Variants in COL21A1 observed in about 807,000 individuals in gnomAD.
COL21A1 encodes the protein collagen type XXI alpha 1 chain.
In COL21A1, 149 loss-of-function variants were observed where a neutral mutation model predicts 137.9. The ratio of observed to expected loss-of-function variants is 1.08; its 90% CI spans 0.95 to 1.24. The LOEUF (loss-of-function observed/expected upper bound fraction) is 1.24, where lower values mean the gene tolerates loss of function less well. Among genes scored for constraint, COL21A1 ranks in the 50% most tolerant of loss-of-function variants. The probability of loss-of-function intolerance (pLI) is 0.00; values close to 1 mark genes in which losing one functional copy is unlikely to be tolerated. For missense variants in COL21A1, 1,167 were observed against 1,158.4 expected (o/e 1.01, Z -0.11); for synonymous variants, 456 against 391.5 (o/e 1.16, Z -1.95).
At chr6:56,208,461 C>G (rs141728587) in intron 1 of COL21A1, among the ~76,000 whole-genome samples, 1 of 152,156 alleles carries the variant, frequency 6.6e-6, no homozygotes, top group Non-Finnish European at 1.5e-5. Context: ...ATGAATACAA[C>G]TTACAAGGGA....
chr6:56,094,051 G>A (rs1769105266), intron 17 of COL21A1, among the ~76,000 whole-genome samples: 1 of 152,042 alleles, frequency 6.6e-6, no homozygotes, highest in South Asian at 2.1e-4. Flanking sequence ...ATCTATATAA[G>A]CAGGATATTT....
Position 56,069,041 on chromosome 6 carries a change from CA to C in COL21A1, c.2091+4del. 1 of 1,595,868 alleles carries C rather than the reference CA, an allele frequency of 6.3e-7. No homozygotes were observed. The highest frequency in any genetic ancestry group is 8.5e-7 in the Non-Finnish European group (1 of 1,169,758). ...AGCGAACTGTATCTCCTAACCAATG[CA>C]TACCTTTTTTCCTTGAATCCCGGGT... On this transcript the variant is annotated splice_donor_region_variant and intron_variant, in intron 22 of 29. Transcript: ENST00000244728.
At chr6:56,289,539 C>T (rs1763991369) in intron 1 of COL21A1, among the ~76,000 whole-genome samples, 1 of 152,130 alleles carries the variant, frequency 6.6e-6, no homozygotes, top group African/African-American at 2.4e-5. Context: ...ATGTAGTCTC[C>T]AGCATCTAGA....
intron 1 of COL21A1, among the ~76,000 whole-genome samples, chr6:56,206,217 G>A (rs1779770189): frequency 1.3e-5 from 2 of 151,936 alleles, no homozygotes; most frequent in South Asian, 4.2e-4. Flanking sequence ...AGACCCATCA[G>A]TGTGCTGTAT....
At chr6:56,367,653 G>A (rs1581779820) in intron 1 of COL21A1, among the ~76,000 whole-genome samples, 1 of 152,158 alleles carries the variant, frequency 6.6e-6, no homozygotes. Context: ...TGAATTCCTT[G>A]TTATGTAAGT....
rs953038365 is a variant in COL21A1 at position 56,126,018 on chromosome 6, T to A, written c.1596+78A>T. On this transcript the variant is annotated intron_variant, in intron 13 of 29. Transcript: ENST00000244728. Reference sequence around the variant, plus strand: ...TATATATGAACATTTATTTATAACATATTTGTAATATAAAAGTACTTTATA... The same window carrying A: ...TATATATGAACATTTATTTATAACAAATTTGTAATATAAAAGTACTTTATA... 1.4e-5 allele frequency: 11 copies of A among 766,266 alleles called. No individual in the cohort carries two copies. The African/African-American group carries it at 1.6e-4, about 11-fold the overall frequency. The allele number at this position is 766,266 out of a possible 1,614,324, so 47.5% of individuals were successfully genotyped here.
chr6:56,238,819 T>C (rs1355385458), intron 1 of COL21A1, among the ~76,000 whole-genome samples: 3 of 152,166 alleles, frequency 2.0e-5, no homozygotes, highest in African/African-American at 7.2e-5. Flanking sequence ...AACATAGGGA[T>C]TCAAATGTAA....
At chr6:56,097,126 T>C (rs1039652133) in intron 17 of COL21A1, among the ~76,000 whole-genome samples, 1 of 152,162 alleles carries the variant, frequency 6.6e-6, no homozygotes, top group African/African-American at 2.4e-5. Flanking sequence ...ATGAATTGCT[T>C]TCCTAACAGG....
At chr6:56,303,578 T>C (rs1297277605) in intron 1 of COL21A1, among the ~76,000 whole-genome samples, 6 of 152,228 alleles carry the variant, frequency 3.9e-5, no homozygotes, top group Non-Finnish European at 7.3e-5. Context: ...TGTACATTGA[T>C]TTTGTATCCT....
At chr6:56,247,021 A>G (rs1178407443) in intron 1 of COL21A1, among the ~76,000 whole-genome samples, 2 of 152,174 alleles carry the variant, frequency 1.3e-5, no homozygotes, top group Non-Finnish European at 2.9e-5. Context: ...CTGCGCGCTC[A>G]GCGCCACGTG....
At chr6:56,374,141 T>C (rs1213901533) in intron 1 of COL21A1, among the ~76,000 whole-genome samples, 1 of 152,206 alleles carries the variant, frequency 6.6e-6, no homozygotes, top group East Asian at 1.9e-4. Flanking sequence ...GGATACTTTC[T>C]TTTTGGCACG....
In COL21A1 at chr6:56,141,959, G is replaced by A. The variant is rs1196598738; in HGVS notation, c.1459C>T (p.Pro487Ser). ...ATTCCTGGAGATCCTGGAACACCTGGTGTCCCTGCAATTCCCTGATATCCC... is the reference window on the plus strand; with the variant it reads ...ATTCCTGGAGATCCTGGAACACCTGATGTCCCTGCAATTCCCTGATATCCC... ...KPGYQGIAGTPGVPGSPGIQG... is the reference protein window; with the variant it reads ...KPGYQGIAGTSGVPGSPGIQG... Residue 487 changes from proline (P) to serine (S), a missense_variant, in exon 11 of 30, where the codon CCA becomes TCA. Coordinates refer to ENST00000244728, the MANE Select transcript of COL21A1 (RefSeq NM_030820.4). The A allele has an allele frequency of 1.3e-6, 2 of 1,542,244 alleles. No homozygotes were observed. Among genetic ancestry groups the A allele is most frequent in the East Asian group, 2.5e-5 (1 of 40,762 alleles).
chr6:56,098,394 T>TATATAA (rs1554206535), intron 17 of COL21A1, among the ~76,000 whole-genome samples: 2 of 8,466 alleles, frequency 2.4e-4, no homozygotes, highest in African/African-American at 1.1e-3. Context: ...AATATATAAA[T>TATATAA]ATATATATAA....
At chr6:56,270,354 A>T (rs1554172924) in intron 1 of COL21A1, among the ~76,000 whole-genome samples, 1 of 152,262 alleles carries the variant, frequency 6.6e-6, no homozygotes, top group Non-Finnish European at 1.5e-5. Context: ...ATCCAATTCA[A>T]CAAGAAGACT....
intron 9 of COL21A1, among the ~76,000 whole-genome samples, chr6:56,163,633 C>G (rs888254125): frequency 6.6e-6 from 1 of 151,704 alleles, no homozygotes; most frequent in Non-Finnish European, 1.5e-5. Context: ...CGCTTGAACC[C>G]GGGAGGCGGA....
intron 1 of COL21A1, among the ~76,000 whole-genome samples, chr6:56,263,804 A>G (rs1763336549): frequency 2.0e-5 from 3 of 152,354 alleles, no homozygotes; most frequent in South Asian, 4.1e-4. Context: ...GCTGTTTAAC[A>G]TTCTTGCTAT....
At chr6:56,172,578 C>T (rs1336481712) in intron 3 of COL21A1, among the ~76,000 whole-genome samples, 2 of 152,024 alleles carry the variant, frequency 1.3e-5, no homozygotes, top group African/African-American at 2.4e-5. Context: ...AACATAAAAG[C>T]ATAAGATAGT....
chr6:56,190,721 A>G (rs939657587), intron 1 of COL21A1, among the ~76,000 whole-genome samples: 1 of 152,214 alleles, frequency 6.6e-6, no homozygotes. Context: ...ACCCAGCAGC[A>G]CATCAAAAAC....
chr6:56,160,747 C>G (rs2152264002), intron 9 of COL21A1, among the ~76,000 whole-genome samples: 1 of 152,214 alleles, frequency 6.6e-6, no homozygotes, highest in South Asian at 2.1e-4. Context: ...ACTAAAACAT[C>G]TCTGAATATG....
Sources: gnomAD v4.1 joint callset for allele counts (sites outside exome capture counted in the v4.1 genomes callset) on GRCh38, gnomAD v4.1.1 for gene constraint, MANE v1.5 for transcripts, NCBI Gene and HGNC (gene_info 2026-07-23, HGNC 2026-07-21) for gene names.